KCNT2: variants seen among roughly 807,000 people sequenced by gnomAD.
KCNT2 encodes potassium sodium-activated channel subfamily T member 2.
Under a neutral mutation model 153.8 loss-of-function variants are expected in KCNT2, and 67 were observed. That is an observed-to-expected ratio of 0.44 (90% CI 0.36 to 0.53). The LOEUF is 0.53. Among genes scored for constraint, KCNT2 ranks in the 20% least tolerant of loss-of-function variants. The pLI, the probability that KCNT2 is intolerant of heterozygous loss-of-function variation, is 0.00. For missense variants in KCNT2, 975 were observed against 1,354.8 expected (o/e 0.72, Z 4.40); for synonymous variants, 500 against 458.8 (o/e 1.09, Z -1.15).
chr1:196,430,646 C>A (rs1413434184), intron 8 of KCNT2, among the ~76,000 whole-genome samples: 1 of 151,980 alleles, frequency 6.6e-6, no homozygotes, highest in Non-Finnish European at 1.5e-5. Context: ...CAAAACAATT[C>A]TTAAAACAAG....
intron 25 of KCNT2, among the ~76,000 whole-genome samples, chr1:196,264,939 A>T (rs1021529132): frequency 6.6e-6 from 1 of 152,116 alleles, no homozygotes; most frequent in Non-Finnish European, 1.5e-5. Context: ...CCCAGCCCCA[A>T]TGCTTAATCG....
At chr1:196,561,736 G>A (rs1055941036) in intron 1 of KCNT2, among the ~76,000 whole-genome samples, 1 of 148,502 alleles carries the variant, frequency 6.7e-6, no homozygotes, top group Non-Finnish European at 1.5e-5. Context: ...AGGAGATCCT[G>A]ACAACACGTG....
At chr1:196,389,166 T>C (rs1670259150) in intron 13 of KCNT2, among the ~76,000 whole-genome samples, 1 of 151,800 alleles carries the variant, frequency 6.6e-6, no homozygotes, top group Admixed American at 6.6e-5. Context: ...ATATGACTAT[T>C]GTAACCTTGG....
intron 26 of KCNT2, among the ~76,000 whole-genome samples, chr1:196,256,665 C>A (rs1409912822): frequency 6.6e-6 from 1 of 150,686 alleles, no homozygotes; most frequent in African/African-American, 2.4e-5. Context: ...TTGTAAAGCA[C>A]CATTTTCCTC....
At chr1:196,583,527 C>A (rs1662308560) in intron 1 of KCNT2, among the ~76,000 whole-genome samples, 1 of 151,622 alleles carries the variant, frequency 6.6e-6, no homozygotes, top group Non-Finnish European at 1.5e-5. Flanking sequence ...TTAAACAAAG[C>A]AAACTAGAAA....
chr1:196,586,413 A>T (rs1473896769), intron 1 of KCNT2, among the ~76,000 whole-genome samples: 2 of 152,174 alleles, frequency 1.3e-5, no homozygotes, highest in African/African-American at 2.4e-5. Context: ...TTTTAAAACT[A>T]TCAGTAATAT....
intron 18 of KCNT2, 30 bp downstream of exon 18, chr1:196,331,126 G>A (rs1474395881): frequency 6.0e-6 from 7 of 1,169,498 alleles, no homozygotes; most frequent in Non-Finnish European, 8.9e-6. Flanking sequence ...ATTTTATTTT[G>A]TAAACAAAAA....
chr1:196,392,968 T>TA (rs1462004367), intron 13 of KCNT2, among the ~76,000 whole-genome samples: 1 of 151,450 alleles, frequency 6.6e-6, no homozygotes, highest in Non-Finnish European at 1.5e-5. Context: ...TGCATTCTTC[T>TA]AGGCAGGTTT....
chr1:196,281,121 G>C (rs1659054400), intron 24 of KCNT2, 133 bp from the exon 25 acceptor site: 1 of 657,684 alleles, frequency 1.5e-6, no homozygotes, highest in African/African-American at 1.8e-5. Context: ...ACAGTGCAAC[G>C]GTGCAACCAT....
At chr1:196,242,486 T>C (rs1161973811) in intron 26 of KCNT2, among the ~76,000 whole-genome samples, 1 of 152,150 alleles carries the variant, frequency 6.6e-6, no homozygotes, top group African/African-American at 2.4e-5. Context: ...ATATTAAACA[T>C]ATACTTAAAA....
At chr1:196,458,221 T>A (rs956497704) in intron 8 of KCNT2, among the ~76,000 whole-genome samples, 2 of 151,766 alleles carry the variant, frequency 1.3e-5, no homozygotes, top group Non-Finnish European at 2.9e-5. Flanking sequence ...AAAACAAAAA[T>A]TATATTACGT....
chr1:196,303,155 C>T (rs1399456977), intron 22 of KCNT2, among the ~76,000 whole-genome samples: 1 of 152,044 alleles, frequency 6.6e-6, no homozygotes, highest in Non-Finnish European at 1.5e-5. Flanking sequence ...GAGATGGATG[C>T]AAATCTCTGA....
At chr1:196,536,787 C>T (rs375062286) in intron 1 of KCNT2, among the ~76,000 whole-genome samples, 2 of 152,178 alleles carry the variant, frequency 1.3e-5, no homozygotes, top group Admixed American at 6.5e-5. Context: ...TGAAGGGCAG[C>T]ATATGCAGTT....
chr1:196,374,808 A>G (rs1668817790), intron 13 of KCNT2, among the ~76,000 whole-genome samples: 2 of 151,852 alleles, frequency 1.3e-5, no homozygotes, highest in South Asian at 4.1e-4. Context: ...TATGATATCA[A>G]TACATAGGGA....
At chr1:196,293,878 A>G (rs1558111413) in intron 22 of KCNT2, among the ~76,000 whole-genome samples, 2 of 151,704 alleles carry the variant, frequency 1.3e-5, no homozygotes, top group East Asian at 3.9e-4. Flanking sequence ...AAAAAACAAA[A>G]AAACAAAAAA....
At chr1:196,448,461 G>A (rs898224537) in intron 8 of KCNT2, among the ~76,000 whole-genome samples, 20 of 151,536 alleles carry the variant, frequency 1.3e-4, no homozygotes, top group Non-Finnish European at 1.9e-4. Flanking sequence ...TGAGAAACGT[G>A]TGTTTTGTTT....
chr1:196,530,922 A>T (rs149708909), intron 1 of KCNT2, among the ~76,000 whole-genome samples: 1 of 152,194 alleles, frequency 6.6e-6, no homozygotes, highest in East Asian at 1.9e-4. Context: ...TTTCCTAACT[A>T]CTATTTAATT....
intron 25 of KCNT2, among the ~76,000 whole-genome samples, chr1:196,275,156 A>C (rs945987661): frequency 5.9e-5 from 9 of 151,858 alleles, no homozygotes; most frequent in African/African-American, 2.2e-4. Flanking sequence ...TATATTATGG[A>C]TTGAGAAGGA....
intron 1 of KCNT2, among the ~76,000 whole-genome samples, chr1:196,533,212 G>T (rs541362599): frequency 2.5e-4 from 38 of 152,164 alleles, no homozygotes; most frequent in Admixed American, 6.6e-4. Context: ...TAGTGATTCT[G>T]ACAGAATGAC....
Sources: allele counts gnomAD v4.1 joint callset (sites outside exome capture counted in the v4.1 genomes callset), GRCh38; gene constraint gnomAD v4.1.1; transcripts MANE v1.5; gene names NCBI Gene and HGNC (gene_info 2026-07-23, HGNC 2026-07-21).